MTA1: variants seen among roughly 807,000 people sequenced by gnomAD.
MTA1 encodes the protein metastasis-associated protein MTA1.
A neutral mutation model predicts 97.0 loss-of-function variants in MTA1; 15 were observed. The ratio of observed to expected loss-of-function variants is 0.15; its 90% confidence interval spans 0.10 to 0.24. The LOEUF is 0.24. Among genes scored for constraint, MTA1 ranks in the 10% least tolerant of loss-of-function variants. The probability of loss-of-function intolerance (pLI) is 1.00; values close to 1 mark genes in which losing one functional copy is unlikely to be tolerated. For synonymous variants in MTA1, 435 were observed against 417.5 expected (o/e 1.04, Z -0.51); for missense variants, 709 against 1,015.1 (o/e 0.70, Z 4.10).
At chr14:105,447,915 T>C (rs1397263596) in intron 3 of MTA1, among the ~76,000 whole-genome samples, 1 of 152,080 alleles carries the variant, frequency 6.6e-6, no homozygotes, top group Non-Finnish European at 1.5e-5. Flanking sequence ...GGGACAGGTG[T>C]GAGGACACTC....
intron 18 of MTA1, 98 bp from the exon 19 acceptor site, chr14:105,469,369 C>A: frequency 7.3e-7 from 1 of 1,371,524 alleles, no homozygotes; most frequent in East Asian, 2.3e-5. Context: ...GCAGATGGCC[C>A]CGGCCCATTG....
chr14:105,436,193 C>A (rs1328589245), intron 1 of MTA1, among the ~76,000 whole-genome samples: 1 of 152,144 alleles, frequency 6.6e-6, no homozygotes, highest in African/African-American at 2.4e-5. Context: ...CACTTGAACC[C>A]GGGAGGCGGA....
intron 18 of MTA1, chr14:105,467,983 C>T (rs2083666489): frequency 3.4e-6 from 1 of 292,106 alleles, no homozygotes; most frequent in Non-Finnish European, 6.8e-6. Context: ...AGCATCACCC[C>T]TTGCCGCCTG....
intron 1 of MTA1, among the ~76,000 whole-genome samples, chr14:105,431,272 A>G (rs1483857875): frequency 6.6e-6 from 1 of 152,212 alleles, no homozygotes; most frequent in Non-Finnish European, 1.5e-5. Flanking sequence ...CATATTGGCC[A>G]GGCTGGTCTC....
In MTA1 at chr14:105,460,416, C is replaced by T; in HGVS notation, c.712C>T (p.Leu238=). The T allele has an allele frequency of 1.9e-6, 3 of 1,611,814 alleles. No individual in the cohort carries two copies. The highest frequency in any genetic ancestry group is 1.7e-4 in the Middle Eastern group (1 of 6,050). ...CAGCAGCTCCGTCCGACAGCCCAGCCTGCACATGAGCGCCGCAGCTGCCTC... is the reference window on the plus strand; with the variant it reads ...CAGCAGCTCCGTCCGACAGCCCAGCTTGCACATGAGCGCCGCAGCTGCCTC... The part of the protein sequence containing the change: ...DCSSSVRQPS[L]HMSAAAASRD... Residue 238 remains leucine (L), a synonymous_variant, in exon 9 of 21, where the codon CTG becomes TTG. Coordinates refer to ENST00000331320, the MANE Select transcript of MTA1 (RefSeq NM_004689.4).
chr14:105,458,352 C>G lies in MTA1; in HGVS notation c.633C>G (p.Asp211Glu). 6.2e-7 allele frequency: 1 copy of G among 1,612,742 alleles called. No individual in the cohort carries two copies. Among genetic ancestry groups the G allele is most frequent in the South Asian group, 1.1e-5 (1 of 91,084 alleles). ...AHNPLTDKQI[D>E]QFLVVARSVG... The stretch of plus-strand genomic sequence containing the variant: ...ACCCACTCACAGACAAGCAGATCGA[C>G]CAGTTCCTGGTGGTGGCCCGGTGAG... Residue 211 changes from aspartate (D) to glutamate (E), a missense_variant, in exon 8 of 21, where the codon GAC becomes GAG. Asp to Glu is a conservative substitution (Grantham distance 45, BLOSUM62 2). Around this residue, in one of 2 missense-constraint regions of MTA1, gnomAD observed 321 missense variants for 593.5 expected, o/e 0.54. Transcript: ENST00000331320.
At chr14:105,460,571 C>A in intron 9 of MTA1, 114 bp downstream of exon 9, 4 of 1,233,532 alleles carry the variant, frequency 3.2e-6, no homozygotes, top group Non-Finnish European at 4.4e-6. Flanking sequence ...AGGACCCCTG[C>A]AGAGGTGCTG....
chr14:105,422,127 G>C lies in MTA1; in HGVS notation c.28+2064G>C, dbSNP rs904700112. On this transcript the variant is annotated intron_variant, in intron 1 of 20. Transcript: ENST00000331320. This position sits in a 1 kb window ranked among gnomAD's most constrained non-coding sequence, Gnocchi z 4.3. ...TGCTCGGAGCTGTCAGGCCCCCCAC[G>C]TGCCCGCCCCGAGGACTTCCTCTCC... Among the ~76,000 whole-genome samples the C allele has an allele frequency of 6.6e-6, 1 of 152,164 alleles. No homozygotes were observed. Among genetic ancestry groups the C allele is most frequent in the Non-Finnish European group, 1.5e-5 (1 of 68,016 alleles).
intron 7 of MTA1, among the ~76,000 whole-genome samples, chr14:105,455,504 C>G (rs1181469316): frequency 2.0e-5 from 3 of 152,230 alleles, no homozygotes; most frequent in African/African-American, 4.8e-5. Context: ...GGCGGGGACT[C>G]GCCTCCCTGC....
chr14:105,463,737 T>A lies in MTA1; in HGVS notation c.1076+186T>A. 1 of 636,024 alleles carries A rather than the reference T, an allele frequency of 1.6e-6. No homozygotes were observed. The highest frequency in any genetic ancestry group is 1.9e-5 in the South Asian group (1 of 52,816). 39.4% of individuals were successfully genotyped at this position (636,024 alleles called of 1,614,324 possible). A position where few individuals can be genotyped will look rare whatever the true frequency, so the allele number is the denominator to read the frequency against. ...TGCAGACGCAGTGGCCATGTCTCTG[T>A]CGTCCTGGCCTCCTGGTCAGTAAGG... On this transcript the variant is annotated intron_variant, in intron 12 of 20. Transcript: ENST00000331320. The surrounding 1 kb of genome is among the most constrained non-coding windows in gnomAD (Gnocchi z 5.9).
chr14:105,461,589 C>T (rs1287567299), intron 10 of MTA1, among the ~76,000 whole-genome samples: 1 of 152,220 alleles, frequency 6.6e-6, no homozygotes, highest in Non-Finnish European at 1.5e-5. Context: ...CCAAAGGGGC[C>T]GGGACACAGC....
intron 1 of MTA1, among the ~76,000 whole-genome samples, chr14:105,435,760 T>C (rs1311797050): frequency 1.3e-5 from 2 of 152,204 alleles, no homozygotes; most frequent in Non-Finnish European, 2.9e-5. Flanking sequence ...TGAATGAGCT[T>C]TGGTGTTTAT....
chr14:105,431,802 C>G (rs587712138), intron 1 of MTA1, among the ~76,000 whole-genome samples: 1 of 151,448 alleles, frequency 6.6e-6, no homozygotes, highest in East Asian at 2.0e-4. Flanking sequence ...TTTTTTGTAT[C>G]TTTAGTAGAG....
intron 1 of MTA1, among the ~76,000 whole-genome samples, chr14:105,433,720 T>G (rs2082249537): frequency 6.6e-6 from 1 of 152,246 alleles, no homozygotes; most frequent in Non-Finnish European, 1.5e-5. Context: ...CCTTTGTTGT[T>G]GATTTTGGTG....
Position 105,468,440 on chromosome 14 carries a change from C to T in MTA1, c.1814-1027C>T, listed in dbSNP as rs951463154. 2.9e-5 allele frequency: 34 copies of T among 1,188,884 alleles called. 1 individual carries two copies. Among genetic ancestry groups the T allele is most frequent in the South Asian group, 1.7e-4 (13 of 78,650 alleles). 73.6% of individuals were successfully genotyped at this position (1,188,884 alleles called of 1,614,324 possible). On this transcript the variant is annotated intron_variant, in intron 18 of 20. Transcript: ENST00000331320. The stretch of plus-strand genomic sequence containing the variant: ...AGGTATGGCTGTTCCTGCTTGGGAG[C>T]GCCGCAGATCAGGCACCTGGGCCCC...
intron 3 of MTA1, among the ~76,000 whole-genome samples, chr14:105,448,886 C>T (rs781807743): frequency 1.2e-4 from 18 of 152,248 alleles, no homozygotes; most frequent in African/African-American, 3.4e-4. Flanking sequence ...GGGCGCTGAG[C>T]GGGATGAGTG....
chr14:105,462,027 C>T (rs1034337691), intron 10 of MTA1, among the ~76,000 whole-genome samples: 7 of 37,076 alleles, frequency 1.9e-4, no homozygotes, highest in Non-Finnish European at 2.9e-4. Context: ...ATGGTTCCAG[C>T]GGAGGAGACC....
chr14:105,454,409 A>AT lies in MTA1; in HGVS notation c.550+101dup, dbSNP rs1166116351. ...AGGCTGGGACATGGCCGTGTCAGTG[A>AT]TTCATGTGTGACTGGGGGCGGCAGG... On this transcript the variant is annotated intron_variant, in intron 7 of 20. Coordinates refer to ENST00000331320, the MANE Select transcript of MTA1 (RefSeq NM_004689.4). 6 of 858,206 alleles carry AT rather than the reference A, an allele frequency of 7.0e-6. No individual in the cohort carries two copies. The East Asian group carries it at 1.6e-4, about 22-fold the overall frequency. The allele number at this position is 858,206 out of a possible 1,614,324, so 53.2% of individuals were successfully genotyped here.
chr14:105,445,126 C>T (rs2082672465), intron 2 of MTA1, among the ~76,000 whole-genome samples: 1 of 152,156 alleles, frequency 6.6e-6, no homozygotes, highest in African/African-American at 2.4e-5. Flanking sequence ...CCTTTTCCTC[C>T]TTGGGACCCT....
Sources: gnomAD v4.1 joint callset for allele counts (sites outside exome capture counted in the v4.1 genomes callset) on GRCh38, gnomAD v4.1.1 for gene constraint, gnomAD v4.1.1 regional missense constraint, Gnocchi (gnomAD v3.1) non-coding constraint, MANE v1.5 for transcripts, NCBI Gene and HGNC (gene_info 2026-07-23, HGNC 2026-07-21) for gene names.